Variants in GID4 observed in about 807,000 individuals in gnomAD.
The protein encoded by GID4 is glucose-induced degradation protein 4 homolog.
A neutral mutation model predicts 32.4 loss-of-function variants in GID4; 7 were observed. The observed-to-expected ratio is 0.22, with a 90% confidence interval of 0.12 to 0.41. GID4 has a LOEUF of 0.41. Ranked by LOEUF, GID4 falls within the 10% of genes least tolerant of loss-of-function variation. The pLI, the probability that GID4 is intolerant of heterozygous loss-of-function variation, is 1.00. For synonymous variants in GID4, 166 were observed against 170.0 expected (o/e 0.98, Z 0.18); for missense variants, 309 against 400.0 (o/e 0.77, Z 1.94).
intron 5 of GID4, among the ~76,000 whole-genome samples, chr17:18,063,010 C>A (rs1597699988): frequency 6.6e-6 from 1 of 151,396 alleles, no homozygotes; most frequent in East Asian, 1.9e-4. Flanking sequence ...GGAGGTGGAG[C>A]TTGCAGGGAG....
intron 2 of GID4, among the ~76,000 whole-genome samples, chr17:18,052,233 G>T (rs2145561329): frequency 6.6e-6 from 1 of 152,220 alleles, no homozygotes; most frequent in African/African-American, 2.4e-5. Flanking sequence ...GTTTGGGGCA[G>T]TATTAGATTT....
rs752632729 is a variant in GID4 at position 18,039,914 on chromosome 17, G to C, written c.438+12G>C. On this transcript the variant is annotated intron_variant, in intron 1 of 5. Transcript: ENST00000268719. This position sits in a 1 kb window ranked among gnomAD's most constrained non-coding sequence, Gnocchi z 5.3. ...AGGTGGTGCTGCAGGTGAGCGCCGGGCCGGGCCGGGGCCCGAGGGCCTCCT... is the reference window on the plus strand; with the variant it reads ...AGGTGGTGCTGCAGGTGAGCGCCGGCCCGGGCCGGGGCCCGAGGGCCTCCT... The C allele has an allele frequency of 7.3e-7, 1 of 1,374,146 alleles. No homozygotes were observed. Among genetic ancestry groups the C allele is most frequent in the Non-Finnish European group, 9.5e-7 (1 of 1,054,106 alleles). 85.1% of individuals were successfully genotyped at this position (1,374,146 alleles called of 1,614,324 possible).
In GID4 at chr17:18,053,009, C is replaced by CTTT. The variant is rs71155312; in HGVS notation, c.499-1097_499-1095dup. ...TGTAGAACACTGAAAAAAGTATTTACTTTTTTTTTTTTTTTTTTTTTTTGA... is the reference window on the plus strand; with the variant it reads ...TGTAGAACACTGAAAAAAGTATTTACTTTTTTTTTTTTTTTTTTTTTTTTTTGA... On this transcript the variant is annotated intron_variant, in intron 2 of 5. Coordinates refer to ENST00000268719, the MANE Select transcript of GID4 (RefSeq NM_024052.5). Among the ~76,000 whole-genome samples, 657 of 83,162 alleles carry CTTT rather than the reference C, an allele frequency of 7.9e-3. 1 individual carries two copies. Among genetic ancestry groups the CTTT allele is most frequent in the Non-Finnish European group, 9.0e-3 (424 of 47,358 alleles). 54.6% of individuals were successfully genotyped at this position (83,162 alleles called of 152,430 possible). A position where few individuals can be genotyped will look rare whatever the true frequency, so the allele number is the denominator to read the frequency against.
At chr17:18,044,196 A>T (rs1364223825) in intron 1 of GID4, among the ~76,000 whole-genome samples, 2 of 152,192 alleles carry the variant, frequency 1.3e-5, no homozygotes, top group African/African-American at 4.8e-5. Context: ...TTTTTCACAG[A>T]TGCACTCAGG....
Position 18,054,168 on chromosome 17 carries a change from C to T in GID4, c.540C>T (p.Ile180=), listed in dbSNP as rs780291053. ...CAACCTTCTTCGAAGGAGAAATAAT[C>T]AGCAAAAAACACCCTTTCTTAACTC... ...TLTTFFEGEI[I]SKKHPFLTRK... Residue 180 remains isoleucine, a synonymous_variant, in exon 3 of 6, where the codon ATC becomes ATT. Coordinates refer to ENST00000268719, the MANE Select transcript of GID4 (RefSeq NM_024052.5). 6 of 1,612,870 alleles carry T rather than the reference C, an allele frequency of 3.7e-6. 1 individual carries two copies. In the South Asian group the frequency reaches 6.6e-5, roughly 18 times the overall value.
rs1409625422 is a variant in GID4 at position 18,039,616 on chromosome 17, G to T, written c.152G>T (p.Arg51Leu). Reference sequence around the variant, plus strand: ...TCCCGCCCCCACCCCGCGCGTGCGCGCCCCGGCCTCTCCCTCCCCGCCACC... The same window carrying T: ...TCCCGCCCCCACCCCGCGCGTGCGCTCCCCGGCCTCTCCCTCCCCGCCACC... ...RPSRPHPARA[R>L]PGLSLPATLL... The change falls in exon 1 of 6, where the codon CGC becomes CTC. Residue 51 changes from arginine (R) to leucine (L), a missense_variant. Transcript: ENST00000268719. This position sits in a 1 kb window ranked among gnomAD's most constrained non-coding sequence, Gnocchi z 5.3. 1.7e-6 allele frequency: 2 copies of T among 1,159,268 alleles called. No individual in the cohort carries two copies. The highest frequency in any genetic ancestry group is 4.1e-5 in the East Asian group (1 of 24,302). The allele number at this position is 1,159,268 out of a possible 1,614,324, so 71.8% of individuals were successfully genotyped here. A position where few individuals can be genotyped will look rare whatever the true frequency, so the allele number is the denominator to read the frequency against.
In GID4 at chr17:18,068,045, AGG is replaced by A. The variant is rs1407605475; in HGVS notation, c.*2805_*2806del. 6.6e-6 allele frequency: 1 copy of A among 152,602 alleles called. No individual in the cohort carries two copies. Among genetic ancestry groups the A allele is most frequent in the Non-Finnish European group, 1.5e-5 (1 of 68,030 alleles). 9.5% of individuals were successfully genotyped at this position (152,602 alleles called of 1,614,324 possible). On this transcript the variant is annotated 3_prime_UTR_variant, in exon 6 of 6. Transcript: ENST00000268719. ...GAAATCACAAACTCCAGAGGAGCAA[AGG>A]GGTTTTTCAATGTCTTTTGCTTTCA...
intron 1 of GID4, among the ~76,000 whole-genome samples, chr17:18,040,165 G>T (rs1267257370): frequency 6.6e-6 from 1 of 152,256 alleles, no homozygotes; most frequent in South Asian, 2.1e-4. Flanking sequence ...GCCCGTGACC[G>T]GCCCGTCTGG....
intron 5 of GID4, 27 bp downstream of exon 5, chr17:18,062,002 C>T (rs577898572): frequency 7.5e-6 from 12 of 1,609,666 alleles, no homozygotes; most frequent in African/African-American, 6.7e-5. Context: ...ACAGAGGCCA[C>T]GGGGAGGGCT....
intron 4 of GID4, among the ~76,000 whole-genome samples, chr17:18,060,517 T>G (rs1333250983): frequency 6.6e-6 from 1 of 151,698 alleles, no homozygotes; most frequent in Non-Finnish European, 1.5e-5. Context: ...GCGGGAAACA[T>G]GTCAACTAAA....
intron 1 of GID4, among the ~76,000 whole-genome samples, chr17:18,040,369 C>T (rs1178661018): frequency 6.6e-6 from 1 of 152,222 alleles, no homozygotes; most frequent in Non-Finnish European, 1.5e-5. Flanking sequence ...TCCTCCTGCC[C>T]CTTCCTCAGT....
Position 18,063,853 on chromosome 17 carries a change from C to T in GID4, c.840-1327C>T, listed in dbSNP as rs540900748. 1.8e-4 allele frequency among the ~76,000 whole-genome samples: 27 copies of T among 152,292 alleles called. 1 individual carries two copies. In the South Asian group the frequency reaches 5.0e-3, roughly 28 times the overall value. On this transcript the variant is annotated intron_variant, in intron 5 of 5. Transcript: ENST00000268719. ...CGCCTCCCAGGTTCAAGCAATTCTC[C>T]TGCCTCAGCCTCCCGAGTAGCTAGG...
intron 4 of GID4, among the ~76,000 whole-genome samples, chr17:18,059,565 G>A (rs1567588855): frequency 2.0e-5 from 3 of 152,142 alleles, no homozygotes; most frequent in African/African-American, 7.2e-5. Context: ...TTGGCTTTTA[G>A]CTGCGAGGTC....
rs756296295 is a variant in GID4, at chr17:18,058,969, G to A, written c.708G>A (p.Lys236=). The A allele has an allele frequency of 5.7e-6, 9 of 1,589,996 alleles. No individual in the cohort carries two copies. Among genetic ancestry groups the A allele is most frequent in the East Asian group, 4.5e-5 (2 of 44,796 alleles). ...KNGDYVFMRW[K]EQFLVPDHTI... is the part of the protein sequence containing the mutation. ...GAGACTACGTCTTCATGAGGTGGAA[G>A]GTAAGTTCCCACCAGGTGGCCCTCC... The change falls in exon 4 of 6, where the codon AAG becomes AAA. Residue 236 remains lysine, a splice_region_variant and synonymous_variant. Transcript: ENST00000268719.
chr17:18,063,867 C>T (rs1407517934), intron 5 of GID4, among the ~76,000 whole-genome samples: 4 of 152,106 alleles, frequency 2.6e-5, no homozygotes, highest in Admixed American at 6.6e-5. Flanking sequence ...CTCAGCCTCC[C>T]GAGTAGCTAG....
intron 2 of GID4, among the ~76,000 whole-genome samples, chr17:18,051,749 T>TA (rs1016423800): frequency 1.3e-5 from 2 of 151,712 alleles, no homozygotes; most frequent in African/African-American, 4.8e-5. Flanking sequence ...TTTTCCTTAG[T>TA]AGTCTTTCCT....
chr17:18,057,919 C>T (rs886897514), intron 3 of GID4, among the ~76,000 whole-genome samples: 2 of 152,046 alleles, frequency 1.3e-5, no homozygotes, highest in Admixed American at 1.3e-4. Context: ...TTGCAAGCTC[C>T]GCCTCCCGGG....
intron 2 of GID4, among the ~76,000 whole-genome samples, chr17:18,047,212 G>T (rs185830337): frequency 5.3e-5 from 8 of 152,326 alleles, no homozygotes; most frequent in Admixed American, 2.6e-4. Flanking sequence ...TCAAGTAGGA[G>T]TAGAAGTGAT....
At chr17:18,064,482 A>G (rs777296995) in intron 5 of GID4, among the ~76,000 whole-genome samples, 1 of 151,942 alleles carries the variant, frequency 6.6e-6, no homozygotes, top group Non-Finnish European at 1.5e-5. Flanking sequence ...GTTCTTCCAC[A>G]CTCCTGTATG....
Sources: allele counts gnomAD v4.1 joint callset (sites outside exome capture counted in the v4.1 genomes callset), GRCh38; gene constraint gnomAD v4.1.1; non-coding constraint Gnocchi (gnomAD v3.1); transcripts MANE v1.5; gene names NCBI Gene and HGNC (gene_info 2026-07-23, HGNC 2026-07-21).